APOOL: variants seen among roughly 807,000 people sequenced by gnomAD.
APOOL encodes the protein apolipoprotein O like, also known as MICOS complex subunit MIC27.
Under a neutral mutation model 23.1 loss-of-function variants are expected in APOOL, and 12 were observed. The observed-to-expected ratio is 0.52, with a 90% CI of 0.33 to 0.84. The LOEUF (loss-of-function observed/expected upper bound fraction) is 0.84. APOOL is among the 40% of genes least tolerant of loss of function. APOOL has a pLI of 0.02. For synonymous variants in APOOL, 77 were observed against 69.9 expected (o/e 1.10, Z -0.51); for missense variants, 212 against 199.6 (o/e 1.06, Z -0.37).
rs1001170649 is a variant in APOOL at position 85,045,229 on chromosome X, A to C, written c.16-1217A>C. ...ATCATTCTGTGATGCTGTTTCCTGTACTAGAAGGAGGCATGGGGGAGGAGA... is the reference window on the plus strand; with the variant it reads ...ATCATTCTGTGATGCTGTTTCCTGTCCTAGAAGGAGGCATGGGGGAGGAGA... On this transcript the variant is annotated intron_variant, in intron 1 of 8. Coordinates refer to ENST00000373173, the MANE Select transcript of APOOL (RefSeq NM_198450.6). 2.7e-5 allele frequency among the ~76,000 whole-genome samples: 3 copies of C among 111,542 alleles called. No homozygotes were observed. The Admixed American group carries it at 2.9e-4, about 11-fold the overall frequency.
intron 1 of APOOL, among the ~76,000 whole-genome samples, chrX:85,019,783 A>C (rs1282606381): frequency 1.8e-5 from 2 of 112,144 alleles, no homozygotes; most frequent in Non-Finnish European, 1.9e-5. Context: ...GGGATATAAC[A>C]GTAACACAGA....
rs192350287 is a variant in APOOL, at chrX:85,087,777, G to A, written c.*99G>A. 1,035 of 706,320 alleles carry A rather than the reference G, an allele frequency of 1.5e-3. 5 individuals are homozygous for A. In the African/African-American group the frequency reaches 0.021, roughly 14 times the overall value. 58.2% of individuals were successfully genotyped at this position (706,320 alleles called of 1,213,427 possible). On this transcript the variant is annotated 3_prime_UTR_variant, in exon 9 of 9. Coordinates refer to ENST00000373173, the MANE Select transcript of APOOL (RefSeq NM_198450.6). ...ATGTAATGGGTAACTGATACATAGA[G>A]TATTACCTAAACCAAGTTTCTCCCT...
chrX:85,014,563 CTCCTT>C (rs1346253819), intron 1 of APOOL, among the ~76,000 whole-genome samples: 101 of 54,366 alleles, frequency 1.9e-3, no homozygotes, highest in African/African-American at 5.1e-3. Context: ...GACTTTATCT[CTCCTT>C]TATTTATGAA....
chrX:85,028,973 T>C (rs1376971085), intron 1 of APOOL, among the ~76,000 whole-genome samples: 1 of 111,749 alleles, frequency 8.9e-6, no homozygotes, highest in Non-Finnish European at 1.9e-5. Flanking sequence ...TCTTAGCTAT[T>C]GTGAACATTG....
At chrX:85,063,527 A>C (rs962212468) in intron 5 of APOOL, among the ~76,000 whole-genome samples, 2 of 111,451 alleles carry the variant, frequency 1.8e-5, no homozygotes, top group Non-Finnish European at 3.8e-5. Flanking sequence ...TATTATTTTG[A>C]GACATGTTCC....
intron 1 of APOOL, among the ~76,000 whole-genome samples, chrX:85,025,192 T>G (rs1236447851): frequency 9.3e-6 from 1 of 107,319 alleles, no homozygotes; most frequent in African/African-American, 3.4e-5. Flanking sequence ...GGAGGGGAGG[T>G]TCCACACAGT....
At chrX:85,083,927 G>A (rs1368397716) in intron 8 of APOOL, among the ~76,000 whole-genome samples, 2 of 110,695 alleles carry the variant, frequency 1.8e-5, no homozygotes, top group South Asian at 3.8e-4. Flanking sequence ...CTGCTAAAAA[G>A]CTTTAAGCAG....
At chrX:85,073,396 A>G (rs1161878297) in intron 6 of APOOL, among the ~76,000 whole-genome samples, 2 of 111,426 alleles carry the variant, frequency 1.8e-5, no homozygotes, top group Non-Finnish European at 3.8e-5. Flanking sequence ...AATAACGGTA[A>G]CTTTAGGAAT....
intron 5 of APOOL, among the ~76,000 whole-genome samples, chrX:85,062,838 C>G (rs1923286541): frequency 1.8e-5 from 2 of 111,203 alleles, no homozygotes; most frequent in South Asian, 7.5e-4. Flanking sequence ...GTTGTCCTGG[C>G]TATATGAGCT....
intron 6 of APOOL, among the ~76,000 whole-genome samples, chrX:85,072,671 A>G (rs1296588172): frequency 1.8e-5 from 2 of 111,535 alleles, no homozygotes; most frequent in Non-Finnish European, 3.8e-5. Context: ...TGTGGTGCAT[A>G]CATTATAGAA....
intron 1 of APOOL, among the ~76,000 whole-genome samples, chrX:85,023,331 T>TA (rs1163323471): frequency 8.9e-6 from 1 of 111,930 alleles, no homozygotes; most frequent in African/African-American, 3.2e-5. Context: ...ATAGCTACTA[T>TA]AAAAAATACT....
intron 5 of APOOL, among the ~76,000 whole-genome samples, chrX:85,062,659 G>A (rs1923277025): frequency 9.0e-6 from 1 of 111,260 alleles, no homozygotes; most frequent in Non-Finnish European, 1.9e-5. Context: ...TGTCAGGTTT[G>A]TCAAAGATCA....
At position 85,026,772 on chromosome X, in the gene APOOL, C is replaced by T. The variant is rs186043384; in HGVS notation, c.16-19674C>T. ...TCCAGTTCCCAAAATACCCTCATTT[C>T]CATCTCAGACCTCAGCAGCCTAGAG... On this transcript the variant is annotated intron_variant, in intron 1 of 8. Coordinates refer to ENST00000373173, the MANE Select transcript of APOOL (RefSeq NM_198450.6). Among the ~76,000 whole-genome samples the T allele has an allele frequency of 4.0e-4, 45 of 111,723 alleles. No individual in the cohort carries two copies. The East Asian group carries it at 0.012, about 29-fold the overall frequency.
In APOOL at chrX:85,089,434, T is replaced by C. The variant is rs1461181499; in HGVS notation, c.*1756T>C. Reference sequence around the variant, plus strand: ...TGAATTTTTATGTCATTATTGACTCTTCACCACTCTCTCCTTGAGACTCAC... The same window carrying C: ...TGAATTTTTATGTCATTATTGACTCCTCACCACTCTCTCCTTGAGACTCAC... On this transcript the variant is annotated 3_prime_UTR_variant, in exon 9 of 9. Coordinates refer to ENST00000373173, the MANE Select transcript of APOOL (RefSeq NM_198450.6). 8.9e-6 allele frequency: 1 copy of C among 111,847 alleles called. No homozygotes were observed. The highest frequency in any genetic ancestry group is 3.3e-5 in the African/African-American group (1 of 30,752). The allele number at this position is 111,847 out of a possible 1,213,427, so 9.2% of individuals were successfully genotyped here.
At chrX:85,021,475 C>G (rs773727200) in intron 1 of APOOL, among the ~76,000 whole-genome samples, 1 of 109,072 alleles carries the variant, frequency 9.2e-6, no homozygotes, top group East Asian at 2.9e-4. Flanking sequence ...TCTAGAGAAC[C>G]CGGAGTTCAG....
At chrX:85,055,985 G>A in intron 5 of APOOL, 60 bp downstream of exon 5, 1 of 917,124 alleles carries the variant, frequency 1.1e-6, no homozygotes, top group Non-Finnish European at 1.5e-6. Flanking sequence ...TGAATTTTGT[G>A]GTCATGAGAA....
intron 8 of APOOL, among the ~76,000 whole-genome samples, chrX:85,085,944 A>G (rs1924276401): frequency 8.9e-6 from 1 of 112,332 alleles, no homozygotes; most frequent in East Asian, 2.8e-4. Flanking sequence ...TTACCAGCTG[A>G]ATGACTTTGG....
chrX:85,073,392 G>A (rs1016230042), intron 6 of APOOL, among the ~76,000 whole-genome samples: 1 of 111,077 alleles, frequency 9.0e-6, no homozygotes, highest in African/African-American at 3.3e-5. Context: ...TGAAAATAAC[G>A]GTAACTTTAG....
chrX:85,060,899 C>T (rs928679884), intron 5 of APOOL, among the ~76,000 whole-genome samples: 3 of 111,093 alleles, frequency 2.7e-5, no homozygotes, highest in Admixed American at 9.6e-5. Flanking sequence ...TTGCCCTGGC[C>T]GGAACTTCCA....
Sources: allele counts gnomAD v4.1 joint callset (sites outside exome capture counted in the v4.1 genomes callset), GRCh38; gene constraint gnomAD v4.1.1; transcripts MANE v1.5; gene names NCBI Gene and HGNC (gene_info 2026-07-23, HGNC 2026-07-21).